HIVEP3: variants seen among roughly 807,000 people sequenced by gnomAD.
HIVEP3 encodes the protein HIVEP zinc finger 3, also known as transcription factor HIVEP3.
A neutral mutation model predicts 152.8 loss-of-function variants in HIVEP3; 49 were observed. The ratio of observed to expected loss-of-function variants is 0.32; its 90% CI spans 0.26 to 0.41. The LOEUF is 0.41. Ranked by LOEUF, HIVEP3 falls within the 10% of genes least tolerant of loss-of-function variation. The pLI, the probability that HIVEP3 is intolerant of heterozygous loss-of-function variation, is 1.00. For synonymous variants in HIVEP3, 1,269 were observed against 1,289.0 expected (o/e 0.98, Z 0.33); for missense variants, 2,790 against 3,103.3 (o/e 0.90, Z 2.40).
At chr1:41,829,356 T>C (rs961819666) in intron 1 of HIVEP3, among the ~76,000 whole-genome samples, 2 of 152,190 alleles carry the variant, frequency 1.3e-5, no homozygotes, top group Non-Finnish European at 2.9e-5. Context: ...TATCAATTTA[T>C]TTGAGTTAGA....
At chr1:41,682,621 C>T (rs151253987) in intron 2 of HIVEP3, among the ~76,000 whole-genome samples, 177 of 152,162 alleles carry the variant, frequency 1.2e-3, no homozygotes, top group African/African-American at 3.8e-3. Context: ...TGGAAACTGA[C>T]GCCCAGCCGG....
intron 6 of HIVEP3, among the ~76,000 whole-genome samples, chr1:41,522,834 A>C (rs1642796514): frequency 6.6e-6 from 1 of 152,366 alleles, no homozygotes. Context: ...GGCGATGGGC[A>C]GCCCAGGCTG....
chr1:41,516,078 A>G (rs1403400007), intron 7 of HIVEP3, among the ~76,000 whole-genome samples: 1 of 139,414 alleles, frequency 7.2e-6, no homozygotes, highest in African/African-American at 2.6e-5. Context: ...CTGGGCACTC[A>G]GTGCATGAAT....
At chr1:41,746,428 C>T (rs1026249226) in intron 1 of HIVEP3, among the ~76,000 whole-genome samples, 3 of 152,194 alleles carry the variant, frequency 2.0e-5, no homozygotes, top group African/African-American at 7.2e-5. Context: ...TGGGGACTTG[C>T]TCCCCTCCCC....
At position 41,662,097 on chromosome 1, in the gene HIVEP3, CGGCG is replaced by C. The variant is rs952402115; in HGVS notation, c.-720-33154_-720-33151del. On this transcript the variant is annotated intron_variant, in intron 2 of 8. Transcript: ENST00000372583. This position sits in a 1 kb window ranked among gnomAD's most constrained non-coding sequence, Gnocchi z 7.2. ...GCCCGGTCCCTGGGCTGCCAGGCCG[CGGCG>C]GGGGCGCGGCGCGCGGGGCGCTCGT... 4.6e-5 allele frequency: 7 copies of C among 151,610 alleles called. No individual in the cohort carries two copies. The highest frequency in any genetic ancestry group is 1.3e-4 in the Admixed American group (2 of 15,178). The allele number at this position is 151,610 out of a possible 1,614,324, so 9.4% of individuals were successfully genotyped here.
chr1:41,743,085 A>G (rs4660199), intron 1 of HIVEP3, among the ~76,000 whole-genome samples: 59,776 of 151,074 alleles, frequency 0.4, 11,944 homozygotes, highest in East Asian at 0.47. Context: ...CTGTAAGTGG[A>G]TATTAGGGGA....
chr1:42,012,233 G>A (rs1645496613), intron 1 of HIVEP3, among the ~76,000 whole-genome samples: 2 of 152,278 alleles, frequency 1.3e-5, no homozygotes, highest in South Asian at 4.1e-4. Flanking sequence ...AGACATAGAT[G>A]TCTCTTAAAA....
At chr1:41,791,979 GGAACACCTCCTCCGT>G (rs1649723908) in intron 1 of HIVEP3, among the ~76,000 whole-genome samples, 1 of 152,016 alleles carries the variant, frequency 6.6e-6, no homozygotes, top group African/African-American at 2.4e-5. Context: ...CCCAGCTCAA[GGAACACCTCCTCCGT>G]GAAGCCTTTC....
At chr1:41,725,526 T>G (rs957778429) in intron 1 of HIVEP3, among the ~76,000 whole-genome samples, 2 of 152,208 alleles carry the variant, frequency 1.3e-5, no homozygotes. Flanking sequence ...AACTATTGTC[T>G]GTGCTGATGG....
chr1:41,693,278 A>G (rs1200182523), intron 2 of HIVEP3, among the ~76,000 whole-genome samples: 1 of 152,150 alleles, frequency 6.6e-6, no homozygotes, highest in African/African-American at 2.4e-5. Context: ...CCTCCAGAAA[A>G]TGTGTATCAA....
intron 1 of HIVEP3, among the ~76,000 whole-genome samples, chr1:42,019,428 T>C (rs1409517741): frequency 6.6e-6 from 1 of 152,078 alleles, no homozygotes; most frequent in Non-Finnish European, 1.5e-5. Context: ...GTATGTCTTC[T>C]TGTTTTCAAT....
chr1:41,980,630 C>T (rs1645288923), intron 1 of HIVEP3, among the ~76,000 whole-genome samples: 1 of 152,120 alleles, frequency 6.6e-6, no homozygotes, highest in Non-Finnish European at 1.5e-5. Context: ...GTGTTGGTTG[C>T]ACGACTCTGA....
At chr1:41,612,265 T>C (rs1644908816) in intron 3 of HIVEP3, among the ~76,000 whole-genome samples, 1 of 152,220 alleles carries the variant, frequency 6.6e-6, no homozygotes, top group Non-Finnish European at 1.5e-5. Context: ...ACAGAACCCA[T>C]TCTGCCTTCC....
At chr1:41,647,395 T>C (rs568883314) in intron 2 of HIVEP3, among the ~76,000 whole-genome samples, 1 of 152,308 alleles carries the variant, frequency 6.6e-6, no homozygotes, top group Admixed American at 6.5e-5. Flanking sequence ...TTAGCACACA[T>C]CACCATTGAA....
At chr1:41,927,449 T>C (rs1387988740) in intron 1 of HIVEP3, among the ~76,000 whole-genome samples, 1 of 152,180 alleles carries the variant, frequency 6.6e-6, no homozygotes, top group African/African-American at 2.4e-5. Flanking sequence ...GACTAGAGAA[T>C]AGTGAATAAA....
chr1:41,792,058 G>C (rs1448456676), intron 1 of HIVEP3, among the ~76,000 whole-genome samples: 1 of 152,002 alleles, frequency 6.6e-6, no homozygotes, highest in Non-Finnish European at 1.5e-5. Context: ...CTCCCACTCC[G>C]TATGCCCCCA....
intron 3 of HIVEP3, among the ~76,000 whole-genome samples, chr1:41,620,532 T>A (rs1351196317): frequency 1.3e-5 from 2 of 152,156 alleles, no homozygotes; most frequent in South Asian, 2.1e-4. Flanking sequence ...TCCTCAAGCT[T>A]TGGTCTCTAA....
At chr1:41,934,896 G>A (rs1307019865) in intron 1 of HIVEP3, among the ~76,000 whole-genome samples, 1 of 152,102 alleles carries the variant, frequency 6.6e-6, no homozygotes, top group African/African-American at 2.4e-5. Flanking sequence ...TAAACACCAT[G>A]GATGGTGAAG....
upstream of HIVEP3, among the ~76,000 whole-genome samples, chr1:41,923,037 G>A (rs994600471): frequency 3.3e-5 from 5 of 151,950 alleles, no homozygotes; most frequent in Non-Finnish European, 7.4e-5. Context: ...AATAAAGGAG[G>A]ACAATTCATC....
Sources: gnomAD v4.1 joint callset for allele counts (sites outside exome capture counted in the v4.1 genomes callset) on GRCh38, gnomAD v4.1.1 for gene constraint, Gnocchi (gnomAD v3.1) non-coding constraint, MANE v1.5 for transcripts, NCBI Gene and HGNC (gene_info 2026-07-23, HGNC 2026-07-21) for gene names.